The following PTK2 variants were observed in gnomAD, a reference collection of about 807,000 sequenced individuals.
PTK2 encodes the protein focal adhesion kinase 1.
A neutral mutation model predicts 150.1 loss-of-function variants in PTK2; 45 were observed. The observed-to-expected ratio is 0.30, with a 90% CI of 0.24 to 0.38. PTK2 has a LOEUF of 0.38. PTK2 is among the 10% of genes least tolerant of loss of function. The pLI, the probability that PTK2 is intolerant of heterozygous loss-of-function variation, is 1.00. For missense variants in PTK2, 919 were observed against 1,307.3 expected (o/e 0.70, Z 4.58); for synonymous variants, 432 against 449.2 (o/e 0.96, Z 0.48).
At chr8:140,722,416 T>C (rs2100043437) in intron 22 of PTK2, among the ~76,000 whole-genome samples, 1 of 152,144 alleles carries the variant, frequency 6.6e-6, no homozygotes, top group Non-Finnish European at 1.5e-5. Flanking sequence ...CCAGGCCTGG[T>C]TGATTCTTTT....
At chr8:140,707,730 T>C (rs148283738) in intron 23 of PTK2, among the ~76,000 whole-genome samples, 4 of 152,304 alleles carry the variant, frequency 2.6e-5, no homozygotes, top group African/African-American at 9.6e-5. Flanking sequence ...AATGGATAAA[T>C]TGTATGGTAT....
chr8:140,984,312 G>A lies in PTK2; in HGVS notation c.-122+16813C>T, dbSNP rs146341030. ...CCCCAACTCCATGCCCTTAACTACC[G>A]CAATCAACAGTGGTTATTCAACTTT... On this transcript the variant is annotated intron_variant, in intron 1 of 31. Transcript: ENST00000522684. Among the ~76,000 whole-genome samples the A allele has an allele frequency of 5.9e-3, 895 of 152,184 alleles. 14 individuals are homozygous for A. Among genetic ancestry groups the A allele is most frequent in the African/African-American group, 0.02 (819 of 41,508 alleles).
intron 3 of PTK2, among the ~76,000 whole-genome samples, chr8:140,880,214 TA>T (rs980305622): frequency 3.3e-5 from 5 of 152,374 alleles, no homozygotes; most frequent in African/African-American, 1.2e-4. Context: ...ACTTGCTCTT[TA>T]AAAATTATTA....
intron 10 of PTK2, among the ~76,000 whole-genome samples, chr8:140,814,167 C>T (rs929616575): frequency 1.2e-4 from 19 of 152,108 alleles, no homozygotes; most frequent in African/African-American, 4.1e-4. Context: ...AATAAATAGC[C>T]TACCAACCCA....
intron 29 of PTK2, among the ~76,000 whole-genome samples, chr8:140,670,488 AAC>A (rs57247522): frequency 0.13 from 5,077 of 38,918 alleles, 649 homozygotes; most frequent in Middle Eastern, 0.2. Context: ...AAAAAACAAC[AAC>A]ACACACACAC....
chr8:140,693,291 C>A (rs961953427), intron 26 of PTK2, among the ~76,000 whole-genome samples: 1 of 151,986 alleles, frequency 6.6e-6, no homozygotes, highest in African/African-American at 2.4e-5. Context: ...TGGTGACTCA[C>A]GCCTGTAATC....
chr8:140,939,591 GC>G (rs1314836129), intron 1 of PTK2, among the ~76,000 whole-genome samples: 4 of 152,196 alleles, frequency 2.6e-5, no homozygotes, highest in African/African-American at 9.7e-5. Context: ...TGGCCATGTG[GC>G]CTAGAAGTCA....
At chr8:140,993,086 G>A (rs1405014002) in intron 1 of PTK2, among the ~76,000 whole-genome samples, 2 of 152,264 alleles carry the variant, frequency 1.3e-5, no homozygotes, top group East Asian at 3.9e-4. Context: ...ATTCCTACAA[G>A]ATTGATTTCT....
chr8:140,992,684 G>C (rs1466921545), intron 1 of PTK2, among the ~76,000 whole-genome samples: 1 of 152,186 alleles, frequency 6.6e-6, no homozygotes, highest in Non-Finnish European at 1.5e-5. Flanking sequence ...TCACACTATA[G>C]CAAGACTATG....
intron 14 of PTK2, chr8:140,764,622 C>T (rs2100071341): frequency 5.1e-6 from 2 of 392,206 alleles, no homozygotes; most frequent in Middle Eastern, 6.4e-4. Context: ...TCCTCAACTA[C>T]ACCAAATACA....
intron 2 of PTK2, among the ~76,000 whole-genome samples, chr8:140,903,633 G>A (rs1394662645): frequency 2.0e-5 from 3 of 152,190 alleles, no homozygotes; most frequent in African/African-American, 7.2e-5. Flanking sequence ...TCCTACCCAT[G>A]AGCATGGAAT....
intron 1 of PTK2, among the ~76,000 whole-genome samples, chr8:140,964,045 T>C (rs1411796199): frequency 6.6e-6 from 1 of 152,182 alleles, no homozygotes; most frequent in Non-Finnish European, 1.5e-5. Flanking sequence ...CCAGTCCTTC[T>C]GCCTGGTAGG....
intron 13 of PTK2, among the ~76,000 whole-genome samples, chr8:140,790,699 T>C (rs1233227303): frequency 1.3e-5 from 2 of 152,260 alleles, no homozygotes; most frequent in South Asian, 2.1e-4. Context: ...CAAACAGCCA[T>C]AGACTTGTGT....
chr8:140,797,729 G>T (rs2100092583), intron 12 of PTK2, among the ~76,000 whole-genome samples: 1 of 152,200 alleles, frequency 6.6e-6, no homozygotes, highest in Non-Finnish European at 1.5e-5. Flanking sequence ...AAGGGCCAAG[G>T]TTATGCAGAC....
At chr8:140,892,324 C>T (rs2100154528) in intron 2 of PTK2, among the ~76,000 whole-genome samples, 1 of 152,138 alleles carries the variant, frequency 6.6e-6, no homozygotes, top group Admixed American at 6.5e-5. Flanking sequence ...TGCTTGAGCC[C>T]AAAGGTTCAA....
intron 23 of PTK2, among the ~76,000 whole-genome samples, chr8:140,709,702 GT>G (rs1266354865): frequency 1.3e-5 from 2 of 152,202 alleles, no homozygotes; most frequent in Non-Finnish European, 2.9e-5. Context: ...TCAACTGCTG[GT>G]AAGTACGATG....
chr8:140,973,334 G>T (rs1465304025), intron 1 of PTK2, among the ~76,000 whole-genome samples: 1 of 152,150 alleles, frequency 6.6e-6, no homozygotes, highest in African/African-American at 2.4e-5. Context: ...GATGGGGCTG[G>T]AGAGTAAGCT....
chr8:140,673,279 T>C lies in PTK2; in HGVS notation c.2709+1019A>G, dbSNP rs571158295. ...TGCACCACCACGCCCAGCTAATTTC[T>C]TTGTATTTTTAGTAGAGACGGGGTT... On this transcript the variant is annotated intron_variant, in intron 29 of 31. Coordinates refer to ENST00000522684, the Ensembl canonical transcript of PTK2. Among the ~76,000 whole-genome samples the C allele has an allele frequency of 1.3e-3, 201 of 152,104 alleles. 1 individual carries two copies. The highest frequency in any genetic ancestry group is 2.5e-3 in the Admixed American group (38 of 15,268).
intron 8 of PTK2, among the ~76,000 whole-genome samples, chr8:140,829,729 TA>T (rs1392788654): frequency 6.6e-6 from 1 of 152,178 alleles, no homozygotes; most frequent in Admixed American, 6.5e-5. Flanking sequence ...ATATATTTAC[TA>T]ATCTGTTAAA....
Sources: gnomAD v4.1 joint callset for allele counts (sites outside exome capture counted in the v4.1 genomes callset) on GRCh38, gnomAD v4.1.1 for gene constraint, MANE v1.5 for transcripts, NCBI Gene and HGNC (gene_info 2026-07-23, HGNC 2026-07-21) for gene names.